ARL5A: variants seen among roughly 807,000 people sequenced by gnomAD.
The protein encoded by ARL5A is ARF like GTPase 5A.
In ARL5A, 18 loss-of-function variants were observed where a neutral mutation model predicts 25.9. That is an observed-to-expected ratio of 0.69 (90% confidence interval 0.48 to 1.03). The LOEUF (loss-of-function observed/expected upper bound fraction) is 1.03, where lower values mean the gene tolerates loss of function less well. Among genes scored for constraint, ARL5A ranks in the 50% least tolerant of loss-of-function variants. ARL5A has a pLI of 0.00. For synonymous variants in ARL5A, 61 were observed against 67.5 expected, an observed-to-expected ratio of 0.90 and a Z score of 0.47; for missense variants, 170 against 211.9, an observed-to-expected ratio of 0.80 and a Z score of 1.23.
intron 1 of ARL5A, among the ~76,000 whole-genome samples, chr2:151,818,243 C>G (rs1049359550): frequency 2.0e-5 from 3 of 152,114 alleles, no homozygotes; most frequent in African/African-American, 7.2e-5. Context: ...GAATCCCAAC[C>G]ACAAGGAGTG....
intron 3 of ARL5A, among the ~76,000 whole-genome samples, chr2:151,812,880 TA>T (rs991966505): frequency 2.0e-5 from 3 of 151,382 alleles, no homozygotes; most frequent in African/African-American, 4.9e-5. Context: ...AGAAATCAAT[TA>T]AAAAAAAATT....
intron 5 of ARL5A, among the ~76,000 whole-genome samples, chr2:151,804,694 C>G (rs951618411): frequency 1.1e-4 from 17 of 152,064 alleles, no homozygotes; most frequent in Admixed American, 1.3e-4. Context: ...AACTTAATAT[C>G]CATTCTCTTA....
At chr2:151,826,926 A>ATC (rs1457697590) in intron 1 of ARL5A, among the ~76,000 whole-genome samples, 2 of 147,284 alleles carry the variant, frequency 1.4e-5, no homozygotes, top group African/African-American at 2.7e-5. Flanking sequence ...TGACCTACAC[A>ATC]TCTGTGTGTG....
At chr2:151,808,325 A>T (rs977615685) in intron 4 of ARL5A, among the ~76,000 whole-genome samples, 5 of 152,206 alleles carry the variant, frequency 3.3e-5, no homozygotes, top group African/African-American at 1.2e-4. Flanking sequence ...TCAATAATGT[A>T]TGTGTTTGAA....
chr2:151,813,027 T>G (rs888419809), intron 3 of ARL5A, among the ~76,000 whole-genome samples: 3 of 152,146 alleles, frequency 2.0e-5, no homozygotes, highest in Non-Finnish European at 4.4e-5. Context: ...GAAAGACTTG[T>G]GATTGTTGTG....
intron 1 of ARL5A, among the ~76,000 whole-genome samples, chr2:151,822,017 T>G (rs1314848445): frequency 1.3e-5 from 2 of 151,890 alleles, no homozygotes; most frequent in African/African-American, 4.8e-5. Flanking sequence ...GCCCAGCTAA[T>G]TTTTGTATTT....
chr2:151,804,486 G>A (rs1420026456), intron 5 of ARL5A, among the ~76,000 whole-genome samples: 1 of 152,006 alleles, frequency 6.6e-6, no homozygotes, highest in African/African-American at 2.4e-5. Context: ...CGTAAAAGAA[G>A]ACACAAATAG....
Position 151,814,312 on chromosome 2 carries a change from T to C in ARL5A, c.112A>G (p.Met38Val), listed in dbSNP as rs760103873. Residue 38 changes from methionine (M) to valine (V), a missense_variant, in exon 3 of 6, where the codon ATG becomes GTG. Physicochemically the swap from Met to Val is conservative, Grantham distance 21 (BLOSUM62 1). Coordinates refer to ENST00000295087, the MANE Select transcript of ARL5A (RefSeq NM_012097.4). ...GGAGATGTATGTACAACTTCATTCA[T>C]AGAACTGGGGAAAAAAGTTTATATA... is the stretch of plus-strand genomic sequence containing the variant. ...GKTTILYQFS[M>V]NEVVHTSPTI... 40 of 1,547,880 alleles carry C rather than the reference T, an allele frequency of 2.6e-5. No homozygotes were observed. Among genetic ancestry groups the C allele is most frequent in the Non-Finnish European group, 3.2e-5 (37 of 1,152,624 alleles).
At chr2:151,811,872 G>C (rs2099830891) in intron 4 of ARL5A, among the ~76,000 whole-genome samples, 1 of 152,076 alleles carries the variant, frequency 6.6e-6, no homozygotes, top group South Asian at 2.1e-4. Context: ...GTGCCTGGCA[G>C]GTTATTTTTC....
intron 3 of ARL5A, 130 bp from the exon 4 acceptor site, chr2:151,812,570 G>A: frequency 1.8e-6 from 1 of 547,022 alleles, no homozygotes; most frequent in South Asian, 3.4e-5. Flanking sequence ...TGGAAAATCA[G>A]AGCTACCTAT....
intron 5 of ARL5A, among the ~76,000 whole-genome samples, chr2:151,804,709 A>G (rs1373876266): frequency 1.3e-5 from 2 of 152,202 alleles, no homozygotes; most frequent in Non-Finnish European, 2.9e-5. Context: ...CTCTTAATTA[A>G]TCTTTACAAC....
Position 151,826,676 on chromosome 2 carries a change from A to G in ARL5A, c.46+1455T>C, listed in dbSNP as rs570276138. 2.0e-5 allele frequency among the ~76,000 whole-genome samples: 3 copies of G among 152,376 alleles called. No homozygotes were observed. The East Asian group carries it at 5.8e-4, about 29-fold the overall frequency. ...CAGTCTTACAGCAATGTACGTTTTA[A>G]TATTTGCAATGTAGAAATAAAGTTT... On this transcript the variant is annotated intron_variant, in intron 1 of 5. Coordinates refer to ENST00000295087, the MANE Select transcript of ARL5A (RefSeq NM_012097.4).
intron 4 of ARL5A, among the ~76,000 whole-genome samples, chr2:151,807,560 A>G (rs2099830257): frequency 6.6e-6 from 1 of 152,202 alleles, no homozygotes; most frequent in Non-Finnish European, 1.5e-5. Flanking sequence ...AATAATGTAC[A>G]CAGCTAGTAC....
rs746757645 is a variant in ARL5A at position 151,812,346 on chromosome 2, T to G, written c.339+11A>C. 7 of 1,567,712 alleles carry G rather than the reference T, an allele frequency of 4.5e-6. No homozygotes were observed. In the South Asian group the frequency reaches 8.1e-5, roughly 18 times the overall value. On this transcript the variant is annotated intron_variant, in intron 4 of 5. Coordinates refer to ENST00000295087, the MANE Select transcript of ARL5A (RefSeq NM_012097.4). ...TTCCCCATATCTAATGTAAAAAGAC[T>G]ACTTACTTACCTCATGCGCTAACAT...
chr2:151,810,918 A>AT (rs1487319467), intron 4 of ARL5A, among the ~76,000 whole-genome samples: 1 of 152,154 alleles, frequency 6.6e-6, no homozygotes. Context: ...AAAATGCTGC[A>AT]TTTTTGCAAA....
At chr2:151,807,189 C>T (rs2099830204) in intron 4 of ARL5A, among the ~76,000 whole-genome samples, 1 of 152,116 alleles carries the variant, frequency 6.6e-6, no homozygotes, top group Non-Finnish European at 1.5e-5. Flanking sequence ...GTCCTAAGTG[C>T]TGTATTTAAC....
In ARL5A at chr2:151,815,208, G is replaced by T; in HGVS notation, c.47-9C>A. ...AATGATAACTTTGTGCTCTGAAATA[G>T]AGAAAACACCAGTGATTTTTTTTCA... On this transcript the variant is annotated splice_polypyrimidine_tract_variant and intron_variant, in intron 1 of 5. Transcript: ENST00000295087. The T allele has an allele frequency of 2.5e-6, 4 of 1,582,430 alleles. No homozygotes were observed. Among genetic ancestry groups the T allele is most frequent in the Non-Finnish European group, 2.6e-6 (3 of 1,166,158 alleles).
Position 151,814,195 on chromosome 2 carries a change from A to G in ARL5A, c.229T>C (p.Trp77Arg). The G allele has an allele frequency of 6.2e-7, 1 of 1,604,998 alleles. No individual in the cohort carries two copies. The highest frequency in any genetic ancestry group is 8.5e-7 in the Non-Finnish European group (1 of 1,177,496). The change falls in exon 3 of 6, where the codon TGG (tryptophan) becomes CGG (arginine). Residue 77 changes from tryptophan to arginine, a missense_variant. Trp to Arg is a moderately radical substitution (Grantham distance 101, BLOSUM62 -3). Transcript: ENST00000295087. ...TCTGTGTTAGTATAGTAAGTGTTCC[A>G]GGAAGAACGAAGAGATTCTTGGCCA... ...IGGQESLRSS[W>R]NTYYTNTEFV...
At chr2:151,815,629 G>A (rs1225952600) in intron 1 of ARL5A, among the ~76,000 whole-genome samples, 1 of 152,152 alleles carries the variant, frequency 6.6e-6, no homozygotes, top group Non-Finnish European at 1.5e-5. Context: ...TGAATGGGAA[G>A]GAAAAAGGTC....
Sources: allele counts gnomAD v4.1 joint callset (sites outside exome capture counted in the v4.1 genomes callset), GRCh38; gene constraint gnomAD v4.1.1; transcripts MANE v1.5; gene names NCBI Gene and HGNC (gene_info 2026-07-23, HGNC 2026-07-21).